DOCK1: variants seen among roughly 807,000 people sequenced by gnomAD.
DOCK1 encodes dedicator of cytokinesis 1, also known as dedicator of cytokinesis protein 1.
A neutral mutation model predicts 262.7 loss-of-function variants in DOCK1; 138 were observed. That is an observed-to-expected ratio of 0.53 (90% confidence interval 0.46 to 0.61). DOCK1 has a LOEUF of 0.61. Among genes scored for constraint, DOCK1 ranks in the 20% least tolerant of loss-of-function variants. The pLI is 0.00. For missense variants in DOCK1, 1,908 were observed against 2,370.7 expected, an observed-to-expected ratio of 0.80 and a Z score of 4.05; for synonymous variants, 866 against 867.4, an observed-to-expected ratio of 1.00 and a Z score of 0.03.
chr10:127,242,435 C>T (rs1206587207), intron 27 of DOCK1, among the ~76,000 whole-genome samples: 2 of 152,138 alleles, frequency 1.3e-5, no homozygotes, highest in Non-Finnish European at 2.9e-5. Context: ...AAGAGAAAGC[C>T]ATTGTGCTCT....
At position 127,220,107 on chromosome 10, in the gene DOCK1, T is replaced by C. The variant is rs182851631; in HGVS notation, c.2848-27901T>C. On this transcript the variant is annotated intron_variant, in intron 27 of 51. Transcript: ENST00000623213. ...GAGAAAAAAATGTTCAAAGATTTCA[T>C]GTAGTTAAACATTCATTCCTTCCAC... Among the ~76,000 whole-genome samples, 228 of 152,170 alleles carry C rather than the reference T, an allele frequency of 1.5e-3. 1 individual carries two copies. Among genetic ancestry groups the C allele is most frequent in the African/African-American group, 5.1e-3 (210 of 41,508 alleles).
chr10:126,982,156 A>G (rs557982129), intron 4 of DOCK1, among the ~76,000 whole-genome samples, 183 bp downstream of exon 4: 1 of 152,210 alleles, frequency 6.6e-6, no homozygotes, highest in South Asian at 2.1e-4. Context: ...CATGGCTTTT[A>G]TCCTTTATGG....
At chr10:126,957,200 G>A (rs2036815841) in intron 1 of DOCK1, among the ~76,000 whole-genome samples, 1 of 152,158 alleles carries the variant, frequency 6.6e-6, no homozygotes, top group South Asian at 2.1e-4. Context: ...CGACAGAGGA[G>A]GAATTTCAAG....
chr10:127,317,489 GT>G (rs1376209380), intron 29 of DOCK1, among the ~76,000 whole-genome samples: 1 of 152,192 alleles, frequency 6.6e-6, no homozygotes, highest in Non-Finnish European at 1.5e-5. Flanking sequence ...GCTGGGCACT[GT>G]TTGTTCTCTG....
chr10:126,927,646 G>T (rs999466824), intron 1 of DOCK1, among the ~76,000 whole-genome samples: 11 of 152,130 alleles, frequency 7.2e-5, no homozygotes, highest in African/African-American at 2.6e-4. Flanking sequence ...CTTGTTGGTC[G>T]TGCTGGCCTC....
chr10:127,207,274 C>T (rs1353437633), intron 27 of DOCK1, among the ~76,000 whole-genome samples: 1 of 152,156 alleles, frequency 6.6e-6, no homozygotes, highest in East Asian at 1.9e-4. Context: ...CTGTTATCAG[C>T]ACCATTGTGA....
At position 127,362,193 on chromosome 10, in the gene DOCK1, C is replaced by T. The variant is rs772802705; in HGVS notation, c.3413C>T (p.Ser1138Leu). The T allele has an allele frequency of 9.9e-6, 16 of 1,613,478 alleles. No individual in the cohort carries two copies. The highest frequency in any genetic ancestry group is 1.7e-5 in the Admixed American group (1 of 59,878). ...GATATGATGCAGTGTGAATTCCATT[C>T]GACCCGAAGCTTCCAAATGGTAAGG... Reference protein sequence around the residue: ...FFDMMQCEFHSTRSFQMFENE... With the variant: ...FFDMMQCEFHLTRSFQMFENE... The change falls in exon 33 of 52, where the codon TCG becomes TTG. Residue 1138 changes from serine (S) to leucine (L), a missense_variant. By Grantham distance (145) the Ser-to-Leu change is moderately radical. Around this residue, in one of 9 missense-constraint regions of DOCK1, gnomAD observed 518 missense variants for 575.1 expected, o/e 0.90. Coordinates refer to ENST00000623213, the MANE Select transcript of DOCK1 (RefSeq NM_001290223.2).
chr10:127,018,162 G>A (rs1400348248), intron 12 of DOCK1, among the ~76,000 whole-genome samples: 2 of 152,196 alleles, frequency 1.3e-5, no homozygotes, highest in Non-Finnish European at 2.9e-5. Flanking sequence ...GGCTCCACAG[G>A]CTGCACCTGT....
At chr10:127,065,168 C>T (rs766225180) in intron 23 of DOCK1, among the ~76,000 whole-genome samples, 2 of 152,086 alleles carry the variant, frequency 1.3e-5, no homozygotes, top group Non-Finnish European at 2.9e-5. Context: ...GCCACCATGC[C>T]CGGCTAATTT....
intron 1 of DOCK1, among the ~76,000 whole-genome samples, chr10:126,948,238 T>G: frequency 4.1e-5 from 2 of 48,654 alleles, no homozygotes; most frequent in African/African-American, 1.3e-4. Flanking sequence ...GTAGTATTAC[T>G]GTTGGTGGTG....
At chr10:127,340,645 G>A (rs1371202933) in intron 30 of DOCK1, among the ~76,000 whole-genome samples, 1 of 152,142 alleles carries the variant, frequency 6.6e-6, no homozygotes, top group African/African-American at 2.4e-5. Flanking sequence ...AAGTTTGATG[G>A]AAAATGATCA....
intron 1 of DOCK1, among the ~76,000 whole-genome samples, chr10:126,958,643 T>C (rs2036944930): frequency 1.3e-5 from 2 of 152,250 alleles, no homozygotes; most frequent in South Asian, 4.2e-4. Flanking sequence ...TTTGGGCACC[T>C]GGGTATTAGT....
intron 31 of DOCK1, among the ~76,000 whole-genome samples, chr10:127,348,152 A>G (rs966067761): frequency 2.8e-4 from 43 of 151,734 alleles, no homozygotes; most frequent in South Asian, 4.2e-4. Flanking sequence ...GTGTACCACA[A>G]AATAAATAAC....
At chr10:127,372,384 C>T (rs1040300265) in intron 33 of DOCK1, among the ~76,000 whole-genome samples, 1 of 152,226 alleles carries the variant, frequency 6.6e-6, no homozygotes, top group Non-Finnish European at 1.5e-5. Flanking sequence ...TCTGGATGAG[C>T]AGTTTTCACG....
chr10:127,292,384 T>C (rs11017143), intron 29 of DOCK1, among the ~76,000 whole-genome samples: 11,293 of 152,110 alleles, frequency 0.074, 455 homozygotes, highest in East Asian at 0.11. Context: ...ACTGGCCACC[T>C]CTGCTGCAAA....
At chr10:127,136,856 G>A (rs537584778) in intron 27 of DOCK1, 7 of 152,578 alleles carry the variant, frequency 4.6e-5, no homozygotes, top group East Asian at 1.9e-4. Context: ...AAAGCATAAC[G>A]AATTGTACAT....
chr10:127,081,185 G>A (rs948777560), intron 23 of DOCK1, among the ~76,000 whole-genome samples: 1 of 152,058 alleles, frequency 6.6e-6, no homozygotes, highest in Non-Finnish European at 1.5e-5. Context: ...GACTGCTGGC[G>A]GTTTTACTTC....
chr10:127,118,573 C>T (rs945302194), intron 25 of DOCK1, among the ~76,000 whole-genome samples: 8 of 152,214 alleles, frequency 5.3e-5, no homozygotes, highest in African/African-American at 1.9e-4. Context: ...CTTCTTTTTC[C>T]TGTTGTTCAA....
At chr10:127,383,822 C>G (rs1459782734) in intron 37 of DOCK1, among the ~76,000 whole-genome samples, 2 of 152,236 alleles carry the variant, frequency 1.3e-5, no homozygotes, top group African/African-American at 2.4e-5. Context: ...CGTGTCCTCC[C>G]GTGAGCCTCC....
Sources: allele counts gnomAD v4.1 joint callset (sites outside exome capture counted in the v4.1 genomes callset), GRCh38; gene constraint gnomAD v4.1.1; regional missense constraint gnomAD v4.1.1; transcripts MANE v1.5; gene names NCBI Gene and HGNC (gene_info 2026-07-23, HGNC 2026-07-21).